The following PLD5 variants were observed in gnomAD, a reference collection of about 807,000 sequenced individuals.
PLD5 encodes phospholipase D family member 5.
In PLD5, 36 loss-of-function variants were observed where a neutral mutation model predicts 61.1. That is an observed-to-expected ratio of 0.59 (90% CI 0.45 to 0.78). The LOEUF is 0.78. Among genes scored for constraint, PLD5 ranks in the 30% least tolerant of loss-of-function variants. The pLI is 0.00. For synonymous variants in PLD5, 243 were observed against 242.8 expected, an observed-to-expected ratio of 1.00 and a Z score of -0.01; for missense variants, 515 against 644.4, an observed-to-expected ratio of 0.80 and a Z score of 2.17.
At chr1:242,227,161 T>C (rs1274530586) in intron 4 of PLD5, among the ~76,000 whole-genome samples, 1 of 152,176 alleles carries the variant, frequency 6.6e-6, no homozygotes, top group Non-Finnish European at 1.5e-5. Flanking sequence ...AGATTATTCT[T>C]TTTGAGGACA....
intron 8 of PLD5, among the ~76,000 whole-genome samples, chr1:242,101,309 C>A (rs1377912554): frequency 8.1e-5 from 12 of 147,542 alleles, no homozygotes; most frequent in African/African-American, 2.7e-4. Context: ...ATAGACAACT[C>A]AAAAAAAAAA....
chr1:242,144,776 G>A (rs572795206), intron 5 of PLD5, among the ~76,000 whole-genome samples: 2 of 152,118 alleles, frequency 1.3e-5, no homozygotes, highest in African/African-American at 4.8e-5. Context: ...GTGAAACCCT[G>A]TCTCAAAAAT....
intron 5 of PLD5, among the ~76,000 whole-genome samples, chr1:242,152,367 T>G (rs542298434): frequency 6.6e-6 from 1 of 152,130 alleles, no homozygotes; most frequent in Admixed American, 6.5e-5. Context: ...ATTTTTTTTC[T>G]TATTACACTT....
At chr1:242,471,413 G>A (rs181598379) in intron 1 of PLD5, among the ~76,000 whole-genome samples, 2 of 152,318 alleles carry the variant, frequency 1.3e-5, no homozygotes, top group East Asian at 1.9e-4. Context: ...AGCAGGAAGT[G>A]AAGGTCTTGG....
At chr1:242,164,391 A>G (rs316850) in intron 5 of PLD5, among the ~76,000 whole-genome samples, 12,752 of 115,720 alleles carry the variant, frequency 0.11, 741 homozygotes, top group African/African-American at 0.2. Context: ...TTTCCAGTGA[A>G]TTGACAAATA....
chr1:242,205,772 C>T (rs1338845470), intron 5 of PLD5, among the ~76,000 whole-genome samples: 4 of 152,216 alleles, frequency 2.6e-5, no homozygotes, highest in Non-Finnish European at 5.9e-5. Context: ...AGTACCAGCA[C>T]TGAGCAGGGA....
intron 1 of PLD5, among the ~76,000 whole-genome samples, chr1:242,518,620 G>A (rs1669180789): frequency 1.3e-5 from 2 of 152,170 alleles, no homozygotes. Context: ...AGTTATAGAA[G>A]TCTATAGAGA....
chr1:242,172,480 G>A (rs1666822415), intron 5 of PLD5, among the ~76,000 whole-genome samples: 1 of 152,048 alleles, frequency 6.6e-6, no homozygotes, highest in African/African-American at 2.4e-5. Flanking sequence ...AGAGAAGCAA[G>A]AGCAAACAAA....
chr1:242,170,974 T>C (rs951716293), intron 5 of PLD5, among the ~76,000 whole-genome samples: 5 of 152,168 alleles, frequency 3.3e-5, no homozygotes, highest in Admixed American at 3.3e-4. Context: ...CTTTAGGATA[T>C]TATCCAGGAG....
intron 5 of PLD5, among the ~76,000 whole-genome samples, chr1:242,131,804 A>G (rs1282552217): frequency 6.7e-6 from 1 of 149,276 alleles, no homozygotes; most frequent in African/African-American, 2.5e-5. Context: ...GAAGCACGTA[A>G]TTACACCAGA....
intron 3 of PLD5, among the ~76,000 whole-genome samples, chr1:242,271,201 CAGAGAGAGAGAGAGAGAGAGAGAG>C (rs60075638): frequency 9.8e-6 from 1 of 102,076 alleles, no homozygotes; most frequent in Non-Finnish European, 1.9e-5. Flanking sequence ...CACACACACA[CAGAGAGAGAGAGAGAGAGAGAGAG>C]AGAGAGAGAG....
intron 8 of PLD5, among the ~76,000 whole-genome samples, chr1:242,106,676 G>C (rs1288999021): frequency 6.6e-6 from 1 of 152,198 alleles, no homozygotes; most frequent in Non-Finnish European, 1.5e-5. Context: ...TTCAGGGTCA[G>C]GGCGATCTTG....
At chr1:242,275,215 A>ATT (rs113505483) in intron 3 of PLD5, among the ~76,000 whole-genome samples, 1 of 150,086 alleles carries the variant, frequency 6.7e-6, no homozygotes, top group African/African-American at 2.4e-5. Context: ...ACTAGCATTG[A>ATT]TTTTTTTTTT....
At chr1:242,512,138 G>A (rs762619014) in intron 1 of PLD5, among the ~76,000 whole-genome samples, 12 of 151,888 alleles carry the variant, frequency 7.9e-5, no homozygotes, top group South Asian at 2.1e-4. Context: ...TTGGTTGGGT[G>A]CGGTGGTTCA....
chr1:242,147,266 G>C (rs937809828), intron 5 of PLD5, among the ~76,000 whole-genome samples: 5 of 152,146 alleles, frequency 3.3e-5, no homozygotes, highest in Admixed American at 6.5e-5. Flanking sequence ...TCATGGAGTA[G>C]GTAGCCCTTG....
intron 1 of PLD5, among the ~76,000 whole-genome samples, chr1:242,516,639 G>A (rs1378230147): frequency 1.3e-5 from 2 of 152,114 alleles, no homozygotes; most frequent in East Asian, 3.8e-4. Context: ...GTATCTATCT[G>A]CACAGGTCTG....
At chr1:242,376,152 C>T (rs190977916) in intron 1 of PLD5, among the ~76,000 whole-genome samples, 28 of 152,322 alleles carry the variant, frequency 1.8e-4, no homozygotes, top group Admixed American at 1.8e-3. Context: ...TTAAAGCCAG[C>T]CTTGCAGGTC....
At chr1:242,275,472 G>T (rs972622615) in intron 3 of PLD5, among the ~76,000 whole-genome samples, 2 of 152,070 alleles carry the variant, frequency 1.3e-5, no homozygotes, top group Admixed American at 1.3e-4. Flanking sequence ...TTGTATATTT[G>T]TCAGTGTTAG....
At chr1:242,391,632 A>C (rs1662940066) in intron 1 of PLD5, among the ~76,000 whole-genome samples, 1 of 152,212 alleles carries the variant, frequency 6.6e-6, no homozygotes, top group African/African-American at 2.4e-5. Flanking sequence ...AGGGTTTCCG[A>C]GTACCCATTC....
Sources: gnomAD v4.1 joint callset for allele counts (sites outside exome capture counted in the v4.1 genomes callset) on GRCh38, gnomAD v4.1.1 for gene constraint, MANE v1.5 for transcripts, NCBI Gene and HGNC (gene_info 2026-07-23, HGNC 2026-07-21) for gene names.